Variants in PSD3 observed in about 807,000 individuals in gnomAD.
PSD3 encodes pleckstrin and Sec7 domain containing 3.
PSD3 carries 49 observed loss-of-function variants against 105.5 expected under a neutral mutation model. That is an observed-to-expected ratio of 0.46 (90% CI 0.37 to 0.59). PSD3 has a LOEUF of 0.59. Among genes scored for constraint, PSD3 ranks in the 20% least tolerant of loss-of-function variants. The probability of loss-of-function intolerance (pLI) is 0.00; values close to 1 mark genes in which losing one functional copy is unlikely to be tolerated. For synonymous variants in PSD3, 557 were observed against 457.8 expected, an observed-to-expected ratio of 1.22 and a Z score of -2.77; for missense variants, 1,561 against 1,263.8, an observed-to-expected ratio of 1.24 and a Z score of -3.57.
intron 9 of PSD3, among the ~76,000 whole-genome samples, chr8:18,702,643 C>T (rs1316103038): frequency 4.6e-5 from 7 of 151,508 alleles, no homozygotes; most frequent in Admixed American, 6.6e-5. Context: ...GATGGAATCT[C>T]GCTCTGTTGC....
chr8:18,934,571 C>T (rs758159297), intron 2 of PSD3, among the ~76,000 whole-genome samples: 5 of 152,044 alleles, frequency 3.3e-5, no homozygotes, highest in South Asian at 2.1e-4. Context: ...CCACCGCGCC[C>T]GGCTAATTTT....
At chr8:18,786,870 G>C (rs773062964) in intron 8 of PSD3, 4 of 152,188 alleles carry the variant, frequency 2.6e-5, no homozygotes, top group East Asian at 1.9e-4. Context: ...AAAAGGTGAG[G>C]AGTCAGATCA....
intron 12 of PSD3, among the ~76,000 whole-genome samples, chr8:18,599,711 C>G (rs1484600064): frequency 6.6e-6 from 1 of 151,976 alleles, no homozygotes; most frequent in Non-Finnish European, 1.5e-5. Context: ...ACTTGTGGGG[C>G]GTGAAACCCG....
At chr8:18,937,314 C>T (rs1294142772) in intron 1 of PSD3, among the ~76,000 whole-genome samples, 37 of 152,184 alleles carry the variant, frequency 2.4e-4, no homozygotes, top group Admixed American at 2.4e-3. Flanking sequence ...TGGTTTCTAC[C>T]CACTGGTTAT....
intron 2 of PSD3, among the ~76,000 whole-genome samples, chr8:18,910,029 G>A (rs912331060): frequency 1.3e-5 from 2 of 152,124 alleles, no homozygotes; most frequent in Non-Finnish European, 2.9e-5. Flanking sequence ...AGACACAGAG[G>A]ACTGCCCCAC....
chr8:18,617,519 G>A (rs190725979), intron 11 of PSD3, among the ~76,000 whole-genome samples: 113 of 152,184 alleles, frequency 7.4e-4, no homozygotes, highest in African/African-American at 2.0e-3. Context: ...TGACAAGAGC[G>A]AAACTCCATC....
At chr8:18,569,313 A>G (rs1801999930) in intron 14 of PSD3, among the ~76,000 whole-genome samples, 1 of 134,274 alleles carries the variant, frequency 7.4e-6, no homozygotes, top group African/African-American at 2.8e-5. Flanking sequence ...ACTAGTTTAC[A>G]GTCCCACCAA....
chr8:18,778,174 C>G (rs142317182), intron 8 of PSD3, among the ~76,000 whole-genome samples: 148 of 152,190 alleles, frequency 9.7e-4, no homozygotes, highest in African/African-American at 3.3e-3. Context: ...GTTGCTGGAT[C>G]GAATGAAATT....
chr8:18,898,467 C>T (rs1472202638), intron 2 of PSD3, among the ~76,000 whole-genome samples: 1 of 152,060 alleles, frequency 6.6e-6, no homozygotes. Context: ...TTTTTCCATA[C>T]TTTCACATTC....
intron 2 of PSD3, among the ~76,000 whole-genome samples, chr8:18,878,969 A>ACGT (rs1377563565): frequency 1.3e-5 from 2 of 152,016 alleles, no homozygotes; most frequent in Non-Finnish European, 2.9e-5. Flanking sequence ...GAAAAGTTAA[A>ACGT]CTTAGACACT....
At chr8:19,043,573 C>T (rs1960229) in intron 1 of PSD3, among the ~76,000 whole-genome samples, 105,581 of 152,034 alleles carry the variant, frequency 0.69, 37,085 homozygotes, top group African/African-American at 0.81. Context: ...ATGGTTTGAG[C>T]GTTTGTCCCA....
intron 1 of PSD3, chr8:19,001,958 G>T: frequency 6.0e-6 from 1 of 166,464 alleles, no homozygotes; most frequent in South Asian, 1.8e-4. Flanking sequence ...GACTAACGGT[G>T]ACCCTCCCCG....
chr8:18,585,072 C>T (rs981743580), intron 12 of PSD3, among the ~76,000 whole-genome samples: 1 of 152,052 alleles, frequency 6.6e-6, no homozygotes, highest in Non-Finnish European at 1.5e-5. Flanking sequence ...ATCGCTAGCT[C>T]CAGAACACGA....
intron 1 of PSD3, among the ~76,000 whole-genome samples, chr8:19,061,684 A>C (rs1828900870): frequency 6.6e-6 from 1 of 152,008 alleles, no homozygotes; most frequent in South Asian, 2.1e-4. Context: ...GTGTGCCTGT[A>C]ATCCCAGCTA....
chr8:19,025,899 T>C (rs1469777175), intron 1 of PSD3, among the ~76,000 whole-genome samples: 1 of 152,122 alleles, frequency 6.6e-6, no homozygotes, highest in Non-Finnish European at 1.5e-5. Context: ...ACACTACCAA[T>C]AAAGACATAC....
At chr8:18,722,214 A>C (rs1044406788) in intron 9 of PSD3, among the ~76,000 whole-genome samples, 1 of 152,032 alleles carries the variant, frequency 6.6e-6, no homozygotes, top group Non-Finnish European at 1.5e-5. Flanking sequence ...GTAATATGTC[A>C]GTGGGACTAA....
chr8:18,813,822 T>C (rs1811934230), intron 4 of PSD3, among the ~76,000 whole-genome samples: 2 of 152,284 alleles, frequency 1.3e-5, no homozygotes, highest in South Asian at 2.1e-4. Flanking sequence ...GTTGTGAAGA[T>C]GAGATGAGAA....
intron 8 of PSD3, among the ~76,000 whole-genome samples, chr8:18,776,263 TATATATATAATGTATAA>T (rs559759400): frequency 0.012 from 1,776 of 145,862 alleles, 36 homozygotes; most frequent in African/African-American, 0.042. Flanking sequence ...TCTCTCTCTA[TATATATATAATGTATAA>T]ATATATATAT....
intron 1 of PSD3, among the ~76,000 whole-genome samples, chr8:19,046,365 C>T (rs755479850): frequency 1.1e-4 from 16 of 152,292 alleles, no homozygotes; most frequent in Admixed American, 2.0e-4. Context: ...CCGCCTCAGC[C>T]TCCCAAAGTG....
Sources: gnomAD v4.1 joint callset for allele counts (sites outside exome capture counted in the v4.1 genomes callset) on GRCh38, gnomAD v4.1.1 for gene constraint, MANE v1.5 for transcripts, NCBI Gene and HGNC (gene_info 2026-07-23, HGNC 2026-07-21) for gene names.